Variants in UPF2 observed in about 807,000 individuals in gnomAD.
The protein encoded by UPF2 is UPF2 regulator of nonsense mediated mRNA decay.
Under a neutral mutation model 141.4 loss-of-function variants are expected in UPF2, and 17 were observed. That is an observed-to-expected ratio of 0.12 (90% CI 0.08 to 0.18). The LOEUF (loss-of-function observed/expected upper bound fraction) is 0.18, where lower values mean the gene tolerates loss of function less well. Among genes scored for constraint, UPF2 ranks in the 10% least tolerant of loss-of-function variants. UPF2 has a pLI of 1.00. For missense variants in UPF2, 1,152 were observed against 1,515.9 expected, an observed-to-expected ratio of 0.76 and a Z score of 3.99; for synonymous variants, 540 against 498.0, an observed-to-expected ratio of 1.08 and a Z score of -1.12.
intron 2 of UPF2, among the ~76,000 whole-genome samples, chr10:12,029,968 A>C (rs1012814719): frequency 2.6e-5 from 4 of 151,798 alleles, no homozygotes; most frequent in East Asian, 1.9e-4. Flanking sequence ...AAAAAAAAAA[A>C]AACAAAAAAA....
At chr10:11,930,187 T>A (rs1344063024) in intron 20 of UPF2, among the ~76,000 whole-genome samples, 3 of 152,240 alleles carry the variant, frequency 2.0e-5, no homozygotes, top group Admixed American at 6.5e-5. Flanking sequence ...TAATACCCAA[T>A]GTTCCCTTTA....
intron 9 of UPF2, among the ~76,000 whole-genome samples, chr10:11,972,707 T>C (rs1481515482): frequency 1.3e-5 from 2 of 152,224 alleles, no homozygotes; most frequent in African/African-American, 4.8e-5. Context: ...ACAAAGGACA[T>C]GAACTCATCC....
chr10:11,952,407 T>G (rs963601800), intron 14 of UPF2, among the ~76,000 whole-genome samples, 158 bp from the exon 15 acceptor site: 1 of 151,842 alleles, frequency 6.6e-6, no homozygotes, highest in East Asian at 1.9e-4. Context: ...GCAATGATCC[T>G]ATTCCAATCA....
chr10:12,007,759 G>C (rs1479912914), intron 4 of UPF2, among the ~76,000 whole-genome samples: 1 of 151,320 alleles, frequency 6.6e-6, no homozygotes, highest in South Asian at 2.1e-4. Context: ...TGAACCCGGG[G>C]AGCAGAGCTT....
intron 15 of UPF2, among the ~76,000 whole-genome samples, chr10:11,951,121 G>C (rs1245542912): frequency 6.6e-6 from 1 of 152,086 alleles, no homozygotes; most frequent in Non-Finnish European, 1.5e-5. Context: ...GTAGTGCAAT[G>C]GCGTGATCTT....
At chr10:12,036,180 C>A (rs1049704010) in intron 1 of UPF2, among the ~76,000 whole-genome samples, 1 of 152,160 alleles carries the variant, frequency 6.6e-6, no homozygotes, top group Non-Finnish European at 1.5e-5. Flanking sequence ...GCACCATTGA[C>A]AGTTTGGGCA....
chr10:12,014,179 A>G lies in UPF2; in HGVS notation c.1151T>C (p.Ile384Thr). 6.9e-7 allele frequency: 1 copy of G among 1,452,074 alleles called. No homozygotes were observed. Among genetic ancestry groups the G allele is most frequent in the Admixed American group, 2.3e-5 (1 of 43,568 alleles). 89.9% of individuals were successfully genotyped at this position (1,452,074 alleles called of 1,614,324 possible). A position where few individuals can be genotyped will look rare whatever the true frequency, so the allele number is the denominator to read the frequency against. Residue 384 changes from isoleucine (I) to threonine (T), a missense_variant, in exon 4 of 22, where the codon ATT (isoleucine) becomes ACT (threonine). Transcript: ENST00000357604. This position sits in a 1 kb window ranked among gnomAD's most constrained non-coding sequence, Gnocchi z 5.0. ...ACTGAGCTCCCCTTTAGAATGTAGA[A>G]TGCGCCTATAAACAAATGAAATCAT... Reference protein sequence around the residue: ...LQNTERQNRRILHSKGELSED... With the variant: ...LQNTERQNRRTLHSKGELSED...
intron 2 of UPF2, among the ~76,000 whole-genome samples, chr10:12,033,199 T>A (rs2131313393): frequency 6.6e-6 from 1 of 152,096 alleles, no homozygotes; most frequent in Admixed American, 6.6e-5. Flanking sequence ...AGCTCAGCAA[T>A]TACAGACTAA....
At chr10:11,952,760 C>T (rs1833094491) in intron 14 of UPF2, among the ~76,000 whole-genome samples, 1 of 152,000 alleles carries the variant, frequency 6.6e-6, no homozygotes, top group Non-Finnish European at 1.5e-5. Flanking sequence ...AGGTGTGAGC[C>T]ACTGCGCCCG....
intron 8 of UPF2, among the ~76,000 whole-genome samples, chr10:11,994,218 CG>C (rs1172670772): frequency 3.3e-5 from 5 of 151,882 alleles, no homozygotes; most frequent in Admixed American, 2.0e-4. Flanking sequence ...AACATAACCA[CG>C]AGGAGAAAAG....
chr10:11,938,763 G>A (rs779179307), intron 18 of UPF2, among the ~76,000 whole-genome samples: 9 of 147,350 alleles, frequency 6.1e-5, no homozygotes, highest in African/African-American at 1.0e-4. Flanking sequence ...GTTTCTTATA[G>A]CATCCTGTGC....
chr10:11,925,023 T>C (rs1938408817), intron 21 of UPF2, among the ~76,000 whole-genome samples: 1 of 152,106 alleles, frequency 6.6e-6, no homozygotes, highest in Non-Finnish European at 1.5e-5. Context: ...TTCACCATGT[T>C]GGTCAGGCTG....
At position 11,948,418 on chromosome 10, in the gene UPF2, G is replaced by C; in HGVS notation, c.3125C>G (p.Thr1042Arg). Reference protein sequence around the residue: ...DEEEEEGGAETEEQSGNESEV... With the variant: ...DEEEEEGGAEREEQSGNESEV... ...ACTTTCATTTCCAGATTGTTCTTCTGTTTCAGCCCCACCTTCTTCTTCTTC... is the reference window on the plus strand; with the variant it reads ...ACTTTCATTTCCAGATTGTTCTTCTCTTTCAGCCCCACCTTCTTCTTCTTC... The change falls in exon 16 of 22, where the codon ACA becomes AGA. Residue 1042 changes from threonine to arginine, a missense_variant. Physicochemically the swap from Thr to Arg is moderately conservative, Grantham distance 71. Around this residue, in one of 4 missense-constraint regions of UPF2, gnomAD observed 202 missense variants for 223.6 expected, o/e 0.90. Coordinates refer to ENST00000357604, the MANE Select transcript of UPF2 (RefSeq NM_015542.4). The C allele has an allele frequency of 6.2e-7, 1 of 1,611,076 alleles. No homozygotes were observed. The highest frequency in any genetic ancestry group is 8.5e-7 in the Non-Finnish European group (1 of 1,178,668).
Position 12,024,872 on chromosome 10 carries a change from T to C in UPF2, c.1145+3873A>G, listed in dbSNP as rs544147285. 4.0e-5 allele frequency among the ~76,000 whole-genome samples: 5 copies of C among 125,964 alleles called. No individual in the cohort carries two copies. The South Asian group carries it at 1.3e-3, about 33-fold the overall frequency. 82.6% of individuals were successfully genotyped at this position (125,964 alleles called of 152,430 possible). On this transcript the variant is annotated intron_variant, in intron 3 of 21. Coordinates refer to ENST00000357604, the MANE Select transcript of UPF2 (RefSeq NM_015542.4). ...CCCTTAAGCCCCAGGAGGTCAAGGC[T>C]ACACTGAGCCATGATCACACGACTG...
chr10:11,993,168 AAAAAAG>A (rs1833809512), intron 8 of UPF2, among the ~76,000 whole-genome samples: 1 of 137,872 alleles, frequency 7.3e-6, no homozygotes, highest in Non-Finnish European at 1.7e-5. Context: ...AAAAAAAAAA[AAAAAAG>A]GCAGCAATCA....
rs1833895315 is a variant in UPF2, at chr10:11,998,256, G to A, written c.1759-499C>T. Among the ~76,000 whole-genome samples the A allele has an allele frequency of 1.3e-5, 2 of 151,358 alleles. No homozygotes were observed. The highest frequency in any genetic ancestry group is 4.2e-4 in the South Asian group (2 of 4,770). On this transcript the variant is annotated intron_variant, in intron 7 of 21. Transcript: ENST00000357604. This position sits in a 1 kb window ranked among gnomAD's most constrained non-coding sequence, Gnocchi z 4.5. ...TCTCTTCACAAGTGCAGGAAATGGC[G>A]CTCTCTCTCTCTCTCCAAGATGCCT...
Position 12,016,524 on chromosome 10 carries a change from T to C in UPF2, c.1146-2340A>G, listed in dbSNP as rs183975405. Reference sequence around the variant, plus strand: ...GCCTGGCCAATATGGTGAAACTCTGTCTCTACTAAAAATACAAAAATTAGC... The same window carrying C: ...GCCTGGCCAATATGGTGAAACTCTGCCTCTACTAAAAATACAAAAATTAGC... On this transcript the variant is annotated intron_variant, in intron 3 of 21. Transcript: ENST00000357604. This position sits in a 1 kb window ranked among gnomAD's most constrained non-coding sequence, Gnocchi z 4.1. 2.0e-5 allele frequency among the ~76,000 whole-genome samples: 3 copies of C among 151,750 alleles called. No individual in the cohort carries two copies. The highest frequency in any genetic ancestry group is 7.3e-5 in the African/African-American group (3 of 41,374).
chr10:12,016,809 G>A lies in UPF2; in HGVS notation c.1146-2625C>T, dbSNP rs1325154563. 6.6e-6 allele frequency among the ~76,000 whole-genome samples: 1 copy of A among 152,006 alleles called. No homozygotes were observed. Among genetic ancestry groups the A allele is most frequent in the African/African-American group, 2.4e-5 (1 of 41,404 alleles). On this transcript the variant is annotated intron_variant, in intron 3 of 21. Transcript: ENST00000357604. The surrounding 1 kb of genome is among the most constrained non-coding windows in gnomAD (Gnocchi z 4.1). ...AGGCCGAGGCAGGCGGATCACCTGA[G>A]GTGAGGAGTTCAAGATCAGCCTGGC...
intron 3 of UPF2, among the ~76,000 whole-genome samples, chr10:12,021,454 C>T (rs1834316706): frequency 6.6e-6 from 1 of 151,688 alleles, no homozygotes. Flanking sequence ...TGGGAGATAG[C>T]GAGGCTGCAG....
Sources: allele counts gnomAD v4.1 joint callset (sites outside exome capture counted in the v4.1 genomes callset), GRCh38; gene constraint gnomAD v4.1.1; regional missense constraint gnomAD v4.1.1; non-coding constraint Gnocchi (gnomAD v3.1); transcripts MANE v1.5; gene names NCBI Gene and HGNC (gene_info 2026-07-23, HGNC 2026-07-21).